Variants in ANO3 observed in about 807,000 individuals in gnomAD.
The protein encoded by ANO3 is anoctamin-3.
Under a neutral mutation model 144.8 loss-of-function variants are expected in ANO3, and 99 were observed. That is an observed-to-expected ratio of 0.68 (90% CI 0.58 to 0.81). The LOEUF (loss-of-function observed/expected upper bound fraction) is 0.81. ANO3 is among the 30% of genes least tolerant of loss of function. The probability of loss-of-function intolerance (pLI) is 0.00; values close to 1 mark genes in which losing one functional copy is unlikely to be tolerated. For missense variants in ANO3, 905 were observed against 1,202.2 expected (o/e 0.75, Z 3.66); for synonymous variants, 414 against 392.6 (o/e 1.05, Z -0.64).
At chr11:26,657,280 C>A (rs1853718332) in intron 26 of ANO3, among the ~76,000 whole-genome samples, 1 of 152,102 alleles carries the variant, frequency 6.6e-6, no homozygotes. Flanking sequence ...AGTGAAGTAT[C>A]CTTCATCTTT....
chr11:26,451,810 T>C (rs988815932), intron 3 of ANO3, among the ~76,000 whole-genome samples: 1 of 152,130 alleles, frequency 6.6e-6, no homozygotes, highest in African/African-American at 2.4e-5. Flanking sequence ...CCCTGACCCC[T>C]GAGCAGCCTA....
chr11:26,563,083 G>A, intron 14 of ANO3: 1 of 1,605,532 alleles, frequency 6.2e-7, no homozygotes, highest in Non-Finnish European at 8.5e-7. Context: ...TAAAACCACT[G>A]TGCCCAGGTG....
At chr11:26,282,960 C>T (rs574967696) in intron 1 of ANO3, among the ~76,000 whole-genome samples, 49 of 152,102 alleles carry the variant, frequency 3.2e-4, no homozygotes, top group Middle Eastern at 3.4e-3. Context: ...AATTATTTTT[C>T]TTACATTTAG....
In ANO3 at chr11:26,427,646, CACA is replaced by C. The variant is rs549371442; in HGVS notation, c.47-14266_47-14264del. Among the ~76,000 whole-genome samples the C allele has an allele frequency of 3.9e-3, 591 of 152,152 alleles. 5 individuals carry two copies. Among genetic ancestry groups the C allele is most frequent in the African/African-American group, 0.01 (416 of 41,516 alleles). ...GTGACTAATCAGCAAACAGCTGTTGCACAACAACTCGAGTTAACTTGAATACAA... is the reference window on the plus strand; with the variant it reads ...GTGACTAATCAGCAAACAGCTGTTGCACAACTCGAGTTAACTTGAATACAA... On this transcript the variant is annotated intron_variant, in intron 1 of 26. Coordinates refer to ENST00000256737, the MANE Select transcript of ANO3 (RefSeq NM_031418.4).
At chr11:26,514,922 A>C (rs1177299204) in intron 5 of ANO3, among the ~76,000 whole-genome samples, 1 of 152,046 alleles carries the variant, frequency 6.6e-6, no homozygotes, top group African/African-American at 2.4e-5. Context: ...ATGGAAAAAA[A>C]GTCACGGTCT....
At chr11:26,549,241 CTCTTT>C (rs1382214341) in intron 12 of ANO3, among the ~76,000 whole-genome samples, 6 of 151,990 alleles carry the variant, frequency 3.9e-5, no homozygotes, top group African/African-American at 7.2e-5. Flanking sequence ...CATTAGTAAA[CTCTTT>C]TCTTCAGTGT....
intron 1 of ANO3, among the ~76,000 whole-genome samples, chr11:26,413,990 A>T (rs1489226570): frequency 6.6e-6 from 1 of 152,116 alleles, no homozygotes; most frequent in African/African-American, 2.4e-5. Flanking sequence ...ATCACTGAAA[A>T]CTATAAAATA....
chr11:26,215,900 C>T (rs1171602817), intron 1 of ANO3, among the ~76,000 whole-genome samples: 1 of 151,962 alleles, frequency 6.6e-6, no homozygotes, highest in Non-Finnish European at 1.5e-5. Context: ...AGTTTTAATA[C>T]ACATGTGTAA....
In ANO3 at chr11:26,608,609, G is replaced by A. The variant is rs554693801; in HGVS notation, c.1836+8895G>A. Among the ~76,000 whole-genome samples the A allele has an allele frequency of 2.6e-5, 4 of 152,244 alleles. No homozygotes were observed. In the East Asian group the frequency reaches 7.8e-4, roughly 30 times the overall value. Reference sequence around the variant, plus strand: ...CTGTCCCTGGGGACCCAGGCCCAGGGAGATTAGAGTTCTGTCCCTGAGCCC... The same window carrying A: ...CTGTCCCTGGGGACCCAGGCCCAGGAAGATTAGAGTTCTGTCCCTGAGCCC... On this transcript the variant is annotated intron_variant, in intron 17 of 26. Transcript: ENST00000256737.
chr11:26,409,401 G>C (rs538192934), intron 1 of ANO3, among the ~76,000 whole-genome samples: 1 of 151,970 alleles, frequency 6.6e-6, no homozygotes, highest in African/African-American at 2.4e-5. Context: ...TCATGTAAAT[G>C]AAAAAAGATG....
At chr11:26,438,592 C>CAAAAAAAAAAAAAAAAAAAAAAAAA (rs1227963923) in intron 1 of ANO3, among the ~76,000 whole-genome samples, 2 of 70,288 alleles carry the variant, frequency 2.8e-5, no homozygotes, top group Non-Finnish European at 5.0e-5. Flanking sequence ...ACTAAAAATA[C>CAAAAAAAAAAAAAAAAAAAAAAAAA]AAAAAAAAAA....
chr11:26,542,818 T>A (rs1849678652), intron 11 of ANO3, among the ~76,000 whole-genome samples: 1 of 125,508 alleles, frequency 8.0e-6, no homozygotes, highest in East Asian at 2.6e-4. Flanking sequence ...TAACAAGGAC[T>A]TAAGTCTTTA....
At chr11:26,445,844 A>T (rs978692201) in intron 3 of ANO3, among the ~76,000 whole-genome samples, 4 of 151,754 alleles carry the variant, frequency 2.6e-5, no homozygotes, top group Non-Finnish European at 4.4e-5. Flanking sequence ...TATTATTATT[A>T]TTTTTGAGAC....
intron 14 of ANO3, among the ~76,000 whole-genome samples, chr11:26,568,763 G>C (rs960950108): frequency 1.1e-4 from 17 of 152,096 alleles, no homozygotes; most frequent in Admixed American, 3.3e-4. Context: ...CTCACCTAGT[G>C]TGTTTAAAAT....
chr11:26,448,021 C>T (rs571005991), intron 3 of ANO3, among the ~76,000 whole-genome samples: 19 of 152,056 alleles, frequency 1.2e-4, no homozygotes, highest in African/African-American at 3.9e-4. Flanking sequence ...ATTTTAGGGC[C>T]GGGTGCAGTG....
intron 1 of ANO3, among the ~76,000 whole-genome samples, chr11:26,337,063 A>G (rs1855212126): frequency 6.6e-6 from 1 of 152,204 alleles, no homozygotes; most frequent in Non-Finnish European, 1.5e-5. Context: ...CCTTACACAG[A>G]AGGTTTCCTA....
At chr11:26,643,052 T>C in intron 22 of ANO3, 130 bp from the exon 23 acceptor site, 1 of 784,316 alleles carries the variant, frequency 1.3e-6, no homozygotes, top group South Asian at 1.8e-5. Flanking sequence ...AAGGTTGTCC[T>C]AACTGTAAAA....
At chr11:26,247,053 G>C (rs972474028) in intron 1 of ANO3, among the ~76,000 whole-genome samples, 3 of 152,172 alleles carry the variant, frequency 2.0e-5, no homozygotes, top group African/African-American at 7.2e-5. Context: ...TTTTCTTACA[G>C]TTTTAAATGT....
chr11:26,545,359 A>G (rs1202808094), intron 11 of ANO3, among the ~76,000 whole-genome samples: 1 of 152,080 alleles, frequency 6.6e-6, no homozygotes, highest in East Asian at 1.9e-4. Context: ...CCTTTTGTAT[A>G]TAAATAACCA....
Sources: allele counts gnomAD v4.1 joint callset (sites outside exome capture counted in the v4.1 genomes callset), GRCh38; gene constraint gnomAD v4.1.1; transcripts MANE v1.5; gene names NCBI Gene and HGNC (gene_info 2026-07-23, HGNC 2026-07-21).